Variants in PCDH15 observed in about 807,000 individuals in gnomAD.
PCDH15 encodes protocadherin related 15.
In PCDH15, 129 loss-of-function variants were observed where a neutral mutation model predicts 178.5. That is an observed-to-expected ratio of 0.72 (90% CI 0.63 to 0.84). PCDH15 has a LOEUF of 0.84. PCDH15 is among the 40% of genes least tolerant of loss of function. PCDH15 has a pLI of 0.00. For synonymous variants in PCDH15, 800 were observed against 732.0 expected (o/e 1.09, Z -1.50); for missense variants, 2,230 against 2,099.9 (o/e 1.06, Z -1.21).
intron 15 of PCDH15, among the ~76,000 whole-genome samples, chr10:54,091,106 T>C (rs1018814929): frequency 6.6e-6 from 1 of 152,148 alleles, no homozygotes; most frequent in Non-Finnish European, 1.5e-5. Context: ...GGTCTGGAGT[T>C]TTACCTTAAA....
chr10:54,292,202 C>T (rs1168465223), intron 8 of PCDH15, among the ~76,000 whole-genome samples: 1 of 152,172 alleles, frequency 6.6e-6, no homozygotes, highest in Non-Finnish European at 1.5e-5. Flanking sequence ...ATCACATAAA[C>T]AGAACCAATG....
At chr10:55,284,779 C>A (rs1366507243) in intron 1 of PCDH15, among the ~76,000 whole-genome samples, 3 of 151,902 alleles carry the variant, frequency 2.0e-5, no homozygotes, top group Non-Finnish European at 2.9e-5. Context: ...GGAAGTCAGA[C>A]ATATATTTAT....
At chr10:55,609,828 A>G (rs1319838673) in intron 2 of PCDH15, among the ~76,000 whole-genome samples, 1 of 152,116 alleles carries the variant, frequency 6.6e-6, no homozygotes, top group Non-Finnish European at 1.5e-5. Flanking sequence ...TGCTCTGAAA[A>G]GCACTGTTCT....
chr10:54,596,193 A>T (rs1317847263), intron 2 of PCDH15, among the ~76,000 whole-genome samples: 1 of 152,186 alleles, frequency 6.6e-6, no homozygotes, highest in Non-Finnish European at 1.5e-5. Flanking sequence ...AAAGAAAAAA[A>T]TGTTAAAAGT....
At position 55,069,021 on chromosome 10, in the gene PCDH15, C is replaced by T. The variant is rs536438205; in HGVS notation, c.-80+97555G>A. Among the ~76,000 whole-genome samples the T allele has an allele frequency of 1.4e-4, 22 of 151,776 alleles. No individual in the cohort carries two copies. In the South Asian group the frequency reaches 2.7e-3, roughly 19 times the overall value. ...CAAGCGATTCTTGTGCCTCACCCTC[C>T]GAAGTAGCTGGGATTACAGGTATGT... On this transcript the variant is annotated intron_variant, in intron 2 of 5. Coordinates refer to the PCDH15 transcript ENST00000458638.
chr10:54,028,098 A>T (rs1394281373), intron 18 of PCDH15, among the ~76,000 whole-genome samples: 14 of 151,252 alleles, frequency 9.3e-5, no homozygotes, highest in African/African-American at 3.1e-4. Flanking sequence ...CAAGAAAAAA[A>T]CAAACAACCC....
chr10:55,610,237 C>G (rs1843337774), intron 2 of PCDH15, among the ~76,000 whole-genome samples: 2 of 152,026 alleles, frequency 1.3e-5, no homozygotes, highest in Admixed American at 6.6e-5. Context: ...TTAACAAAAC[C>G]ATGTTTTCAA....
At chr10:54,607,291 A>G (rs1477832381) in intron 2 of PCDH15, among the ~76,000 whole-genome samples, 1 of 152,126 alleles carries the variant, frequency 6.6e-6, no homozygotes, top group East Asian at 1.9e-4. Context: ...TGTGCAATAA[A>G]TGTGGTAAAC....
At chr10:54,466,454 C>T (rs945690228) in intron 3 of PCDH15, among the ~76,000 whole-genome samples, 1 of 151,278 alleles carries the variant, frequency 6.6e-6, no homozygotes. Flanking sequence ...AGTGTAGGTT[C>T]TTGGTGTCTT....
chr10:54,056,988 T>C (rs2093905615), intron 18 of PCDH15, among the ~76,000 whole-genome samples: 1 of 152,142 alleles, frequency 6.6e-6, no homozygotes, highest in African/African-American at 2.4e-5. Context: ...CAAAATGATC[T>C]CCTTTGACTC....
intron 2 of PCDH15, among the ~76,000 whole-genome samples, chr10:54,899,318 G>T (rs1258924800): frequency 2.0e-5 from 3 of 151,778 alleles, no homozygotes; most frequent in Non-Finnish European, 2.9e-5. Flanking sequence ...TTATCACAAG[G>T]ATACAAAAGC....
intron 1 of PCDH15, among the ~76,000 whole-genome samples, chr10:55,278,104 T>C (rs755422245): frequency 6.6e-6 from 1 of 152,168 alleles, no homozygotes; most frequent in Non-Finnish European, 1.5e-5. Context: ...AGTCAAAGGT[T>C]ATGAACAGAT....
chr10:54,254,578 C>T (rs192033853), intron 8 of PCDH15, among the ~76,000 whole-genome samples: 88 of 152,182 alleles, frequency 5.8e-4, no homozygotes, highest in African/African-American at 1.9e-3. Context: ...TAGAAGCTTC[C>T]CAGAACTCAA....
At chr10:54,608,521 G>A (rs544378633) in intron 2 of PCDH15, among the ~76,000 whole-genome samples, 18 of 152,022 alleles carry the variant, frequency 1.2e-4, no homozygotes, top group East Asian at 3.9e-4. Context: ...TGAGGTGGGC[G>A]GATAGATTGA....
intron 2 of PCDH15, among the ~76,000 whole-genome samples, chr10:55,429,674 C>T (rs1838837871): frequency 6.6e-6 from 1 of 152,146 alleles, no homozygotes; most frequent in Non-Finnish European, 1.5e-5. Flanking sequence ...CATTCTCTGC[C>T]TCCTCAAATC....
At chr10:55,005,980 T>C (rs962286488) in intron 2 of PCDH15, among the ~76,000 whole-genome samples, 2 of 151,864 alleles carry the variant, frequency 1.3e-5, no homozygotes, top group Non-Finnish European at 2.9e-5. Flanking sequence ...AATATTTATG[T>C]ATATTTATAT....
At chr10:54,050,144 C>T (rs900257764) in intron 18 of PCDH15, among the ~76,000 whole-genome samples, 1 of 152,126 alleles carries the variant, frequency 6.6e-6, no homozygotes, top group African/African-American at 2.4e-5. Flanking sequence ...GGTGCCAGCT[C>T]TTCTCTGTAT....
chr10:54,258,515 C>G (rs2057080903), intron 8 of PCDH15, among the ~76,000 whole-genome samples: 1 of 152,054 alleles, frequency 6.6e-6, no homozygotes, highest in African/African-American at 2.4e-5. Context: ...AGAGGACAGG[C>G]AGAATCACAT....
intron 20 of PCDH15, among the ~76,000 whole-genome samples, chr10:54,008,426 T>C (rs898372293): frequency 3.3e-5 from 5 of 152,134 alleles, no homozygotes; most frequent in Non-Finnish European, 7.4e-5. Context: ...GAGGCAACAT[T>C]AAGAACTTTT....
Sources: allele counts gnomAD v4.1 joint callset (sites outside exome capture counted in the v4.1 genomes callset), GRCh38; gene constraint gnomAD v4.1.1; transcripts MANE v1.5; gene names NCBI Gene and HGNC (gene_info 2026-07-23, HGNC 2026-07-21).